The following JAKMIP1 variants were observed in gnomAD, a reference collection of about 807,000 sequenced individuals.
The protein encoded by JAKMIP1 is janus kinase and microtubule-interacting protein 1.
A neutral mutation model predicts 113.0 loss-of-function variants in JAKMIP1; 33 were observed. That is an observed-to-expected ratio of 0.29 (90% confidence interval 0.22 to 0.39). The LOEUF is 0.39. JAKMIP1 is among the 10% of genes least tolerant of loss of function. JAKMIP1 has a pLI of 1.00. For missense variants in JAKMIP1, 813 were observed against 1,080.5 expected, an observed-to-expected ratio of 0.75 and a Z score of 3.47; for synonymous variants, 480 against 459.9, an observed-to-expected ratio of 1.04 and a Z score of -0.56.
At chr4:6,082,739 G>C (rs1465628859) in intron 5 of JAKMIP1, among the ~76,000 whole-genome samples, 2 of 152,072 alleles carry the variant, frequency 1.3e-5, no homozygotes, top group South Asian at 2.1e-4. Flanking sequence ...TGAGCTCAAG[G>C]AATCTTCCCA....
rs1038269184 is a variant in JAKMIP1, at chr4:6,143,519, G to A, written c.-147-30522C>T. Among the ~76,000 whole-genome samples, 5 of 152,178 alleles carry A rather than the reference G, an allele frequency of 3.3e-5. No individual in the cohort carries two copies. The highest frequency in any genetic ancestry group is 2.0e-4 in the Admixed American group (3 of 15,286). On this transcript the variant is annotated intron_variant, in intron 1 of 20. Transcript: ENST00000409021. This position sits in a 1 kb window ranked among gnomAD's most constrained non-coding sequence, Gnocchi z 4.9. Reference sequence around the variant, plus strand: ...GGCAGGCCTGCTGGATCCGGCCTGGGTCCCACCTGGCCTCTTTCAGTTATG... The same window carrying A: ...GGCAGGCCTGCTGGATCCGGCCTGGATCCCACCTGGCCTCTTTCAGTTATG...
intron 2 of JAKMIP1, among the ~76,000 whole-genome samples, chr4:6,109,354 C>A (rs1272823854): frequency 1.3e-5 from 2 of 151,714 alleles, no homozygotes; most frequent in African/African-American, 4.8e-5. Context: ...AGGATGGTCT[C>A]GATCTCCTGA....
At position 6,098,125 on chromosome 4, in the gene JAKMIP1, C is replaced by T. The variant is rs374117075; in HGVS notation, c.624+7348G>A. Reference sequence around the variant, plus strand: ...TGAGCACACTTTACACAACTACCACCCAGGTCAGAAAAGAAACATTCCTCG... The same window carrying T: ...TGAGCACACTTTACACAACTACCACTCAGGTCAGAAAAGAAACATTCCTCG... On this transcript the variant is annotated intron_variant, in intron 3 of 20. Coordinates refer to ENST00000409021, the MANE Select transcript of JAKMIP1 (RefSeq NM_001099433.2). 5.9e-5 allele frequency among the ~76,000 whole-genome samples: 9 copies of T among 152,248 alleles called. No individual in the cohort carries two copies. The East Asian group carries it at 7.7e-4, about 13-fold the overall frequency.
At chr4:6,161,553 GA>G (rs34013600) in intron 1 of JAKMIP1, among the ~76,000 whole-genome samples, 2,406 of 147,742 alleles carry the variant, frequency 0.016, 56 homozygotes, top group Admixed American at 0.078. Context: ...AAACTCAGTG[GA>G]AAAAAAAAAA....
At chr4:6,055,337 C>T (rs1028356323) in intron 12 of JAKMIP1, among the ~76,000 whole-genome samples, 2 of 152,280 alleles carry the variant, frequency 1.3e-5, no homozygotes, top group East Asian at 3.9e-4. Context: ...TTGTGCAACA[C>T]AGTAGATTTA....
intron 3 of JAKMIP1, among the ~76,000 whole-genome samples, chr4:6,098,790 T>A (rs73198054): frequency 0.44 from 65,538 of 149,690 alleles, 16,890 homozygotes; most frequent in East Asian, 0.75. Context: ...AAAGAAAGAT[T>A]GATTCCTGAT....
In JAKMIP1 at chr4:6,153,276, G is replaced by A. The variant is rs1428541303; in HGVS notation, c.-147-40279C>T. Among the ~76,000 whole-genome samples, 6 of 152,214 alleles carry A rather than the reference G, an allele frequency of 3.9e-5. No homozygotes were observed. Among genetic ancestry groups the A allele is most frequent in the African/African-American group, 1.4e-4 (6 of 41,452 alleles). On this transcript the variant is annotated intron_variant, in intron 1 of 20. Coordinates refer to ENST00000409021, the MANE Select transcript of JAKMIP1 (RefSeq NM_001099433.2). This position sits in a 1 kb window ranked among gnomAD's most constrained non-coding sequence, Gnocchi z 4.9. ...CTGCCTCTCAGCCTCAGCTCCAGGG[G>A]TCTTCCCCGAGCCTGGCCTCCTTCA...
At position 6,088,310 on chromosome 4, in the gene JAKMIP1, G is replaced by A. The variant is rs909042306; in HGVS notation, c.625-2681C>T. 2.0e-5 allele frequency among the ~76,000 whole-genome samples: 3 copies of A among 152,174 alleles called. No individual in the cohort carries two copies. The highest frequency in any genetic ancestry group is 1.9e-4 in the East Asian group (1 of 5,186). On this transcript the variant is annotated intron_variant, in intron 3 of 20. Coordinates refer to ENST00000409021, the MANE Select transcript of JAKMIP1 (RefSeq NM_001099433.2). This position sits in a 1 kb window ranked among gnomAD's most constrained non-coding sequence, Gnocchi z 5.5. ...TAACAACATCAAAGCAAAGGAAATC[G>A]GTAGGGGCAGTGGAGGGTGTTGCAA...
chr4:6,063,771 A>T (rs1395162691), intron 9 of JAKMIP1, among the ~76,000 whole-genome samples: 2 of 152,222 alleles, frequency 1.3e-5, no homozygotes, highest in Non-Finnish European at 2.9e-5. Flanking sequence ...ACTCCACAGA[A>T]AATGCCACCA....
intron 8 of JAKMIP1, among the ~76,000 whole-genome samples, chr4:6,070,821 C>T (rs1031790018): frequency 6.8e-6 from 1 of 146,672 alleles, no homozygotes; most frequent in Admixed American, 7.3e-5. Flanking sequence ...CCAAAACAAA[C>T]CATTATTTAA....
chr4:6,106,107 C>T lies in JAKMIP1; in HGVS notation c.130-140G>A. 1.6e-6 allele frequency: 1 copy of T among 617,994 alleles called. No individual in the cohort carries two copies. Among genetic ancestry groups the T allele is most frequent in the Non-Finnish European group, 2.8e-6 (1 of 354,452 alleles). The allele number at this position is 617,994 out of a possible 1,614,324, so 38.3% of individuals were successfully genotyped here. A position where few individuals can be genotyped will look rare whatever the true frequency, so the allele number is the denominator to read the frequency against. ...GGGCCCACGTTCCCATGGATTCCCC[C>T]TTCGGCAGTGCCCTGCAGGCCTGAC... On this transcript the variant is annotated intron_variant, in intron 2 of 20. Coordinates refer to ENST00000409021, the MANE Select transcript of JAKMIP1 (RefSeq NM_001099433.2). This position sits in a 1 kb window ranked among gnomAD's most constrained non-coding sequence, Gnocchi z 5.9.
At position 6,097,613 on chromosome 4, in the gene JAKMIP1, C is replaced by T. The variant is rs548418805; in HGVS notation, c.624+7860G>A. Reference sequence around the variant, plus strand: ...GTTTCAGATTTTGGAGCATTTGGGACTTTGGATTAGGGATGCTCAACCTAT... The same window carrying T: ...GTTTCAGATTTTGGAGCATTTGGGATTTTGGATTAGGGATGCTCAACCTAT... On this transcript the variant is annotated intron_variant, in intron 3 of 20. Transcript: ENST00000409021. The surrounding 1 kb of genome is among the most constrained non-coding windows in gnomAD (Gnocchi z 4.3). Among the ~76,000 whole-genome samples the T allele has an allele frequency of 2.6e-5, 4 of 152,306 alleles. No individual in the cohort carries two copies. In the East Asian group the frequency reaches 7.7e-4, roughly 29 times the overall value.
chr4:6,089,509 G>C lies in JAKMIP1; in HGVS notation c.625-3880C>G, dbSNP rs1157256389. Among the ~76,000 whole-genome samples, 3 of 152,176 alleles carry C rather than the reference G, an allele frequency of 2.0e-5. No homozygotes were observed. The highest frequency in any genetic ancestry group is 7.2e-5 in the African/African-American group (3 of 41,432). ...TACCCCAAGTTACACACAAACTTGA[G>C]GCCCAGAAAGGGGAATGTGCTAACA... On this transcript the variant is annotated intron_variant, in intron 3 of 20. Transcript: ENST00000409021. This position sits in a 1 kb window ranked among gnomAD's most constrained non-coding sequence, Gnocchi z 5.3.
At chr4:6,171,164 T>C (rs367670775) in intron 1 of JAKMIP1, among the ~76,000 whole-genome samples, 2 of 128,906 alleles carry the variant, frequency 1.6e-5, no homozygotes, top group East Asian at 2.6e-4. Flanking sequence ...CACCACCATC[T>C]CCATCACCAT....
intron 1 of JAKMIP1, among the ~76,000 whole-genome samples, chr4:6,146,229 T>TG (rs58891037): frequency 0.87 from 118,039 of 135,486 alleles, 52,297 homozygotes; most frequent in East Asian, 1. Flanking sequence ...TGCCAGGGGC[T>TG]GGGGGGAGGT....
chr4:6,090,370 A>G (rs1441062472), intron 3 of JAKMIP1, among the ~76,000 whole-genome samples: 1 of 152,202 alleles, frequency 6.6e-6, no homozygotes, highest in Non-Finnish European at 1.5e-5. Flanking sequence ...GCCAGAAAAC[A>G]CTTTCACCCT....
Position 6,062,458 on chromosome 4 carries a change from G to T in JAKMIP1, c.1432-18C>A, listed in dbSNP as rs182638914. 192 of 1,599,200 alleles carry T rather than the reference G, an allele frequency of 1.2e-4. No individual in the cohort carries two copies. The East Asian group carries it at 3.9e-3, about 33-fold the overall frequency. ...GCTGTGGCCTTCACATAATGGAGAA[G>T]AAAACAAATAATCAAGTGCAAAATT... On this transcript the variant is annotated intron_variant, in intron 9 of 20. Coordinates refer to ENST00000409021, the MANE Select transcript of JAKMIP1 (RefSeq NM_001099433.2).
chr4:6,149,399 A>T (rs1721283048), intron 1 of JAKMIP1, among the ~76,000 whole-genome samples: 1 of 152,040 alleles, frequency 6.6e-6, no homozygotes, highest in South Asian at 2.1e-4. Flanking sequence ...CCCACAGCTG[A>T]CCCTCGCCAT....
chr4:6,095,095 G>A (rs1711524972), intron 3 of JAKMIP1, among the ~76,000 whole-genome samples: 1 of 142,534 alleles, frequency 7.0e-6, no homozygotes, highest in Admixed American at 7.1e-5. Context: ...GGGGAGGGAG[G>A]AAGGGGAGAG....
Sources: gnomAD v4.1 joint callset for allele counts (sites outside exome capture counted in the v4.1 genomes callset) on GRCh38, gnomAD v4.1.1 for gene constraint, Gnocchi (gnomAD v3.1) non-coding constraint, MANE v1.5 for transcripts, NCBI Gene and HGNC (gene_info 2026-07-23, HGNC 2026-07-21) for gene names.